Variants in TMTC2 observed in about 807,000 individuals in gnomAD.
TMTC2 encodes the protein transmembrane O-mannosyltransferase targeting cadherins 2.
A neutral mutation model predicts 82.4 loss-of-function variants in TMTC2; 43 were observed. The ratio of observed to expected loss-of-function variants is 0.52; its 90% CI spans 0.41 to 0.67. TMTC2 has a LOEUF of 0.67. Among genes scored for constraint, TMTC2 ranks in the 30% least tolerant of loss-of-function variants. The pLI, the probability that TMTC2 is intolerant of heterozygous loss-of-function variation, is 0.00. For synonymous variants in TMTC2, 408 were observed against 381.9 expected (o/e 1.07, Z -0.80); for missense variants, 919 against 1,012.4 (o/e 0.91, Z 1.25).
At chr12:82,713,257 G>A (rs531736805) in intron 1 of TMTC2, among the ~76,000 whole-genome samples, 1 of 152,114 alleles carries the variant, frequency 6.6e-6, no homozygotes, top group Admixed American at 6.5e-5. Context: ...GGAGGTTGCA[G>A]TGAGCCAAGA....
intron 1 of TMTC2, among the ~76,000 whole-genome samples, chr12:82,761,884 TTCTC>T (rs66906113): frequency 1.3e-4 from 19 of 149,914 alleles, no homozygotes; most frequent in African/African-American, 4.7e-4. Context: ...CTTTCTTTCT[TTCTC>T]TCTCTTTCTT....
chr12:82,902,873 A>T (rs931460844), intron 3 of TMTC2, among the ~76,000 whole-genome samples: 1 of 152,312 alleles, frequency 6.6e-6, no homozygotes, highest in East Asian at 1.9e-4. Context: ...TAAAAGCTGA[A>T]AAAATAAAAA....
chr12:82,899,754 A>G (rs1873885778), intron 3 of TMTC2, among the ~76,000 whole-genome samples: 1 of 145,416 alleles, frequency 6.9e-6, no homozygotes, highest in Admixed American at 7.1e-5. Flanking sequence ...ATATATATAT[A>G]AGAATATATA....
At chr12:82,890,624 T>G (rs1873347498) in intron 2 of TMTC2, among the ~76,000 whole-genome samples, 1 of 151,520 alleles carries the variant, frequency 6.6e-6, no homozygotes, top group South Asian at 2.1e-4. Context: ...CCTATGAGAT[T>G]TTACTTGGAC....
intron 7 of TMTC2, among the ~76,000 whole-genome samples, chr12:82,969,622 C>G (rs1268183368): frequency 6.6e-6 from 1 of 152,102 alleles, no homozygotes; most frequent in Middle Eastern, 3.2e-3. Flanking sequence ...TCGACTTATC[C>G]TGAATGCCAA....
chr12:82,992,602 A>G (rs746871467), intron 8 of TMTC2, among the ~76,000 whole-genome samples: 6 of 152,212 alleles, frequency 3.9e-5, no homozygotes, highest in Admixed American at 6.5e-5. Context: ...CTGTACCTGA[A>G]CGTTATGATT....
chr12:82,739,368 C>G (rs12423439), intron 1 of TMTC2, among the ~76,000 whole-genome samples: 3 of 151,962 alleles, frequency 2.0e-5, no homozygotes, highest in East Asian at 3.9e-4. Flanking sequence ...TGATTTAGTT[C>G]TGGGTGGAGA....
chr12:82,909,951 A>G (rs1045662145), intron 3 of TMTC2, among the ~76,000 whole-genome samples: 1 of 152,204 alleles, frequency 6.6e-6, no homozygotes, highest in Admixed American at 6.5e-5. Context: ...AAATATGTGT[A>G]AAAACACTAT....
intron 2 of TMTC2, among the ~76,000 whole-genome samples, chr12:82,859,547 T>C (rs940296236): frequency 6.6e-6 from 1 of 152,252 alleles, no homozygotes; most frequent in Admixed American, 6.5e-5. Flanking sequence ...ATATGTTCTA[T>C]ACAATATTTG....
At chr12:82,816,723 T>G (rs1361214647) in intron 1 of TMTC2, among the ~76,000 whole-genome samples, 1 of 151,880 alleles carries the variant, frequency 6.6e-6, no homozygotes, top group East Asian at 1.9e-4. Context: ...TCTCTGAAAA[T>G]GAAAGGGCAG....
intron 1 of TMTC2, among the ~76,000 whole-genome samples, chr12:82,826,140 T>G (rs1461568747): frequency 1.3e-5 from 2 of 152,240 alleles, no homozygotes; most frequent in African/African-American, 4.8e-5. Flanking sequence ...AAATATAGTT[T>G]AAATATCTTT....
intron 1 of TMTC2, among the ~76,000 whole-genome samples, chr12:82,842,194 C>T (rs554836216): frequency 1.4e-4 from 21 of 152,288 alleles, no homozygotes; most frequent in Admixed American, 1.2e-3. Context: ...CCTCCAACTT[C>T]AGTTTTCTAG....
rs1476031827 is a variant in TMTC2, at chr12:82,949,224, C to G, written c.1599-15800C>G. Among the ~76,000 whole-genome samples, 3 of 152,142 alleles carry G rather than the reference C, an allele frequency of 2.0e-5. No individual in the cohort carries two copies. In the East Asian group the frequency reaches 5.8e-4, roughly 29 times the overall value. ...GATTAGACGTCCATGTTGGATAGCACCTGCAAATAGCAAAGAATAGATAGT... is the reference window on the plus strand; with the variant it reads ...GATTAGACGTCCATGTTGGATAGCAGCTGCAAATAGCAAAGAATAGATAGT... On this transcript the variant is annotated intron_variant, in intron 4 of 11. Coordinates refer to ENST00000321196, the MANE Select transcript of TMTC2 (RefSeq NM_152588.3).
intron 1 of TMTC2, among the ~76,000 whole-genome samples, chr12:82,809,576 AT>A (rs1291743998): frequency 1.3e-5 from 2 of 152,128 alleles, no homozygotes; most frequent in South Asian, 2.1e-4. Flanking sequence ...TACAAATTGG[AT>A]TTTTAAAAAT....
intron 1 of TMTC2, among the ~76,000 whole-genome samples, chr12:82,746,858 A>C (rs1592896272): frequency 6.6e-6 from 1 of 152,246 alleles, no homozygotes; most frequent in African/African-American, 2.4e-5. Flanking sequence ...AGGAATGTGC[A>C]CAGCCTCTAG....
At chr12:83,058,217 G>A (rs963792410) in intron 10 of TMTC2, among the ~76,000 whole-genome samples, 16 of 151,764 alleles carry the variant, frequency 1.1e-4, no homozygotes, top group African/African-American at 1.9e-4. Context: ...TCCGCAGTAC[G>A]CAAATGATGA....
intron 2 of TMTC2, among the ~76,000 whole-genome samples, chr12:82,875,988 G>A (rs1215469063): frequency 4.5e-5 from 6 of 133,164 alleles, no homozygotes; most frequent in Non-Finnish European, 7.7e-5. Flanking sequence ...GTTGTTGTTG[G>A]TGGTGTTGGT....
At chr12:82,755,566 C>T (rs966529300) in intron 1 of TMTC2, among the ~76,000 whole-genome samples, 5 of 152,100 alleles carry the variant, frequency 3.3e-5, no homozygotes, top group South Asian at 4.1e-4. Context: ...GCAAGATCAC[C>T]GGTGTTAGTG....
intron 1 of TMTC2, among the ~76,000 whole-genome samples, chr12:82,810,781 G>A (rs1879461876): frequency 6.6e-6 from 1 of 152,096 alleles, no homozygotes; most frequent in Non-Finnish European, 1.5e-5. Flanking sequence ...CAGTGAGGGA[G>A]TTCTCACAAG....
Sources: allele counts gnomAD v4.1 joint callset (sites outside exome capture counted in the v4.1 genomes callset), GRCh38; gene constraint gnomAD v4.1.1; transcripts MANE v1.5; gene names NCBI Gene and HGNC (gene_info 2026-07-23, HGNC 2026-07-21).